KIAA0753: variants seen among roughly 807,000 people sequenced by gnomAD.
The protein encoded by KIAA0753 is protein moonraker.
KIAA0753 carries 114 observed loss-of-function variants against 116.9 expected under a neutral mutation model. The ratio of observed to expected loss-of-function variants is 0.98; its 90% CI spans 0.84 to 1.14. The LOEUF is 1.14. Among genes scored for constraint, KIAA0753 ranks in the 50% most tolerant of loss-of-function variants. The probability of loss-of-function intolerance (pLI) is 0.00; values close to 1 mark genes in which losing one functional copy is unlikely to be tolerated. For synonymous variants in KIAA0753, 405 were observed against 413.1 expected (o/e 0.98, Z 0.24); for missense variants, 1,156 against 1,172.4 (o/e 0.99, Z 0.20).
At chr17:6,604,042 AACAG>A (rs756836740) in intron 12 of KIAA0753, among the ~76,000 whole-genome samples, 1 of 152,198 alleles carries the variant, frequency 6.6e-6, no homozygotes, top group Non-Finnish European at 1.5e-5. Flanking sequence ...TGCTGGTGGG[AACAG>A]ACAGAGCCAC....
In KIAA0753 at chr17:6,628,633, C is replaced by T. The variant is rs199515742; in HGVS notation, c.202G>A (p.Glu68Lys). Residue 68 changes from glutamate (E) to lysine (K), a missense_variant, in exon 3 of 19, where the codon GAA becomes AAA. Transcript: ENST00000361413. ...RIEKLKHSYN[E>K]SYHCKDADCR... Reference sequence around the variant, plus strand: ...TCTGCATCTTTACAATGGTATGATTCATTGTATGAGTGCTTCAGTTTTTCA... The same window carrying T: ...TCTGCATCTTTACAATGGTATGATTTATTGTATGAGTGCTTCAGTTTTTCA... The T allele has an allele frequency of 8.4e-5, 136 of 1,614,022 alleles. No individual in the cohort carries two copies. The highest frequency in any genetic ancestry group is 1.6e-4 in the Middle Eastern group (1 of 6,084).
At chr17:6,637,937 C>T (rs1972437275) in intron 1 of KIAA0753, 1 of 152,756 alleles carries the variant, frequency 6.5e-6, no homozygotes, top group African/African-American at 2.4e-5. Flanking sequence ...GAACCAGGCA[C>T]CCTAGGAGCC....
At chr17:6,634,836 G>C in intron 2 of KIAA0753, 175 bp downstream of exon 2, 1 of 561,508 alleles carries the variant, frequency 1.8e-6, no homozygotes, top group Non-Finnish European at 3.2e-6. Flanking sequence ...AATTTGCTTT[G>C]GGGTGATTCT....
At chr17:6,613,963 G>A (rs1970714168) in intron 7 of KIAA0753, among the ~76,000 whole-genome samples, 1 of 151,966 alleles carries the variant, frequency 6.6e-6, no homozygotes. Flanking sequence ...ATTAACATAG[G>A]ACTAATATCC....
chr17:6,606,834 G>T, intron 12 of KIAA0753, 39 bp downstream of exon 12: 1 of 1,543,074 alleles, frequency 6.5e-7, no homozygotes, highest in Non-Finnish European at 9.0e-7. Flanking sequence ...ATTAGAACAG[G>T]CAAACATCCA....
At chr17:6,629,642 T>C (rs1387225546) in intron 2 of KIAA0753, among the ~76,000 whole-genome samples, 1 of 152,174 alleles carries the variant, frequency 6.6e-6, no homozygotes, top group Admixed American at 6.5e-5. Context: ...GACCGGTCAA[T>C]AGCCTGAGGA....
In KIAA0753 at chr17:6,639,031, C is replaced by A; in HGVS notation, c.-69+1606G>T. On this transcript the variant is annotated intron_variant, in intron 1 of 18. Transcript: ENST00000361413. This position sits in a 1 kb window ranked among gnomAD's most constrained non-coding sequence, Gnocchi z 4.3. ...TCCCCTTTCCCTGAACCCTGGGTCA[C>A]CTCCACATCTAGTTTCCTCTTCAGC... 6.5e-6 allele frequency: 1 copy of A among 153,170 alleles called. No homozygotes were observed. Among genetic ancestry groups the A allele is most frequent in the Non-Finnish European group, 1.5e-5 (1 of 68,830 alleles). 9.5% of individuals were successfully genotyped at this position (153,170 alleles called of 1,614,324 possible).
At chr17:6,619,787 G>C (rs555994592) in intron 7 of KIAA0753, among the ~76,000 whole-genome samples, 2 of 152,104 alleles carry the variant, frequency 1.3e-5, no homozygotes, top group Non-Finnish European at 2.9e-5. Flanking sequence ...TACTGGACTT[G>C]TCCATACATA....
intron 2 of KIAA0753, among the ~76,000 whole-genome samples, chr17:6,632,827 A>G (rs1488492786): frequency 6.6e-6 from 1 of 152,224 alleles, no homozygotes; most frequent in Non-Finnish European, 1.5e-5. Flanking sequence ...CTAAATTGAG[A>G]GAAAATCCAC....
chr17:6,620,738 A>C, intron 7 of KIAA0753, 50 bp downstream of exon 7: 1 of 1,564,768 alleles, frequency 6.4e-7, no homozygotes, highest in African/African-American at 1.4e-5. Flanking sequence ...TATAGCCCAG[A>C]TAATTGTAAT....
At chr17:6,634,570 A>G (rs1972196691) in intron 2 of KIAA0753, among the ~76,000 whole-genome samples, 1 of 152,198 alleles carries the variant, frequency 6.6e-6, no homozygotes, top group Admixed American at 6.5e-5. Context: ...GTGAAATATA[A>G]TGGAATCTAG....
intron 18 of KIAA0753, among the ~76,000 whole-genome samples, chr17:6,584,579 C>G (rs1259448173): frequency 6.6e-6 from 1 of 152,114 alleles, no homozygotes; most frequent in Non-Finnish European, 1.5e-5. Flanking sequence ...CTTTAATCTT[C>G]CCCGTTCTGC....
chr17:6,613,038 A>T (rs192784611), intron 7 of KIAA0753, among the ~76,000 whole-genome samples: 196 of 152,322 alleles, frequency 1.3e-3, no homozygotes, highest in Non-Finnish European at 2.1e-3. Flanking sequence ...ATGAGACAAT[A>T]CAGAAAATCA....
chr17:6,622,168 G>A (rs1218101024), intron 6 of KIAA0753, among the ~76,000 whole-genome samples: 3 of 152,176 alleles, frequency 2.0e-5, no homozygotes, highest in African/African-American at 7.2e-5. Flanking sequence ...ATACTAGCAT[G>A]GGAGTCAGAA....
At chr17:6,615,350 C>T (rs779079364) in intron 7 of KIAA0753, among the ~76,000 whole-genome samples, 15 of 152,076 alleles carry the variant, frequency 9.9e-5, no homozygotes, top group Admixed American at 3.3e-4. Flanking sequence ...GTTCAAGTAA[C>T]CTTGAACTTG....
chr17:6,615,250 G>A (rs903068099), intron 7 of KIAA0753, among the ~76,000 whole-genome samples: 2 of 152,054 alleles, frequency 1.3e-5, no homozygotes, highest in African/African-American at 4.8e-5. Flanking sequence ...GTTTTAAAAT[G>A]TGTATCCATG....
chr17:6,622,167 T>C (rs1971367711), intron 6 of KIAA0753, among the ~76,000 whole-genome samples: 1 of 152,222 alleles, frequency 6.6e-6, no homozygotes, highest in Non-Finnish European at 1.5e-5. Context: ...AATACTAGCA[T>C]GGGAGTCAGA....
At chr17:6,589,047 A>G (rs1968793273) in intron 18 of KIAA0753, among the ~76,000 whole-genome samples, 1 of 152,152 alleles carries the variant, frequency 6.6e-6, no homozygotes, top group East Asian at 1.9e-4. Context: ...CATTAACAGC[A>G]ACAGGAAATC....
intron 7 of KIAA0753, among the ~76,000 whole-genome samples, chr17:6,619,743 AT>A (rs1331227005): frequency 6.6e-6 from 1 of 152,196 alleles, no homozygotes; most frequent in East Asian, 1.9e-4. Context: ...TTCTACTTTA[AT>A]TTAAAAAAAG....
Sources: allele counts gnomAD v4.1 joint callset (sites outside exome capture counted in the v4.1 genomes callset), GRCh38; gene constraint gnomAD v4.1.1; non-coding constraint Gnocchi (gnomAD v3.1); transcripts MANE v1.5; gene names NCBI Gene and HGNC (gene_info 2026-07-23, HGNC 2026-07-21).